Variants in MIR2052HG observed in about 807,000 individuals in gnomAD.
MIR2052HG encodes MIR2052 host gene.
rs546777911 is a variant in MIR2052HG at position 74,749,013 on chromosome 8, A to G, written n.372-3428A>G. 2.6e-4 allele frequency among the ~76,000 whole-genome samples: 40 copies of G among 152,244 alleles called. 1 individual carries two copies. Among genetic ancestry groups the G allele is most frequent in the African/African-American group, 8.9e-4 (37 of 41,562 alleles). On this transcript the variant is annotated intron_variant and non_coding_transcript_variant, in intron 4 of 6. Transcript: ENST00000523442. ...GGGAAGATAATTTTTAAAACTTTGC[A>G]TGCCTCTTGGATGCCATTTCAATGT...
intron 2 of MIR2052HG, among the ~76,000 whole-genome samples, chr8:74,675,772 T>C (rs1265804951): frequency 6.6e-6 from 1 of 151,930 alleles, no homozygotes; most frequent in Non-Finnish European, 1.5e-5. Flanking sequence ...GTAAAATAGA[T>C]AGGAAGACAT....
At chr8:74,676,741 TTAATAA>T (rs1399612333) in intron 2 of MIR2052HG, among the ~76,000 whole-genome samples, 1 of 151,878 alleles carries the variant, frequency 6.6e-6, no homozygotes, top group African/African-American at 2.4e-5. Context: ...GTGACTACCG[TTAATAA>T]TAATGCATTG....
chr8:74,619,598 G>A (rs1225054463), intron 2 of MIR2052HG, among the ~76,000 whole-genome samples: 3 of 152,156 alleles, frequency 2.0e-5, no homozygotes, highest in Non-Finnish European at 2.9e-5. Flanking sequence ...GTGGCAGGAT[G>A]GAGTAAGTGC....
chr8:74,662,858 TTGTGTGTGTGTG>T (rs68089808), intron 2 of MIR2052HG, among the ~76,000 whole-genome samples: 12 of 144,300 alleles, frequency 8.3e-5, no homozygotes, highest in African/African-American at 2.8e-4. Context: ...AATGACTCAT[TTGTGTGTGTGTG>T]TGTGTGTGTG....
intron 3 of MIR2052HG, chr8:74,702,494 T>A (rs1352865121): frequency 2.3e-6 from 1 of 431,510 alleles, no homozygotes; most frequent in East Asian, 7.3e-5. Flanking sequence ...TGTACCTCAA[T>A]GTCTGCACAC....
At chr8:74,678,563 CAAAAAAAAAA>C (rs763073114) in intron 2 of MIR2052HG, among the ~76,000 whole-genome samples, 1 of 53,522 alleles carries the variant, frequency 1.9e-5, no homozygotes, top group South Asian at 9.9e-4. Context: ...GAGTTTGTCT[CAAAAAAAAAA>C]AAAAAAAAAA....
chr8:74,734,460 A>T (rs1316128558), intron 4 of MIR2052HG, among the ~76,000 whole-genome samples: 2 of 152,214 alleles, frequency 1.3e-5, no homozygotes, highest in African/African-American at 2.4e-5. Flanking sequence ...AATGGTAATG[A>T]TTTCTGAGAT....
chr8:74,683,497 A>G (rs574077927), intron 2 of MIR2052HG, among the ~76,000 whole-genome samples: 1 of 152,154 alleles, frequency 6.6e-6, no homozygotes, highest in Non-Finnish European at 1.5e-5. Flanking sequence ...GCATATTCAG[A>G]TGACTAGGTT....
rs114395925 is a variant in MIR2052HG, at chr8:74,603,737, G to A, written n.128+3829G>A. 279 of 869,916 alleles carry A rather than the reference G, an allele frequency of 3.2e-4. No homozygotes were observed. The African/African-American group carries it at 3.8e-3, about 12-fold the overall frequency. 53.9% of individuals were successfully genotyped at this position (869,916 alleles called of 1,614,324 possible). On this transcript the variant is annotated intron_variant and non_coding_transcript_variant, in intron 1 of 6. Transcript: ENST00000523442. ...TACGGGATGGTCACGCCCTTCGGGG[G>A]GGACTCCAACATGACCACACAGATC...
intron 1 of MIR2052HG, chr8:74,600,055 C>T (rs1342419645): frequency 3.3e-5 from 5 of 153,216 alleles, no homozygotes; most frequent in Non-Finnish European, 5.8e-5. Flanking sequence ...TTGCGCTTCC[C>T]AAGTGAGGCA....
intron 2 of MIR2052HG, among the ~76,000 whole-genome samples, chr8:74,698,589 A>G (rs577488209): frequency 5.9e-5 from 9 of 152,354 alleles, no homozygotes; most frequent in Non-Finnish European, 8.8e-5. Flanking sequence ...ACTGGGAGAT[A>G]ATCTTCACAA....
chr8:74,636,542 A>C (rs913879755), intron 2 of MIR2052HG, among the ~76,000 whole-genome samples: 12 of 152,204 alleles, frequency 7.9e-5, no homozygotes, highest in Admixed American at 7.2e-4. Flanking sequence ...ATTTTTAAAA[A>C]GATCTTCAAA....
chr8:74,667,127 G>A (rs946123637), intron 2 of MIR2052HG, among the ~76,000 whole-genome samples: 7 of 152,198 alleles, frequency 4.6e-5, no homozygotes, highest in Non-Finnish European at 8.8e-5. Context: ...TTCCTGAAGT[G>A]CTGCTAGGTT....
chr8:74,701,520 G>A (rs1462756107), intron 2 of MIR2052HG, among the ~76,000 whole-genome samples: 1 of 152,000 alleles, frequency 6.6e-6, no homozygotes, highest in Non-Finnish European at 1.5e-5. Context: ...TCCATAGAGG[G>A]TGTTTAGTTG....
chr8:74,715,915 C>A (rs574543414), intron 4 of MIR2052HG, among the ~76,000 whole-genome samples: 1 of 152,302 alleles, frequency 6.6e-6, no homozygotes, highest in South Asian at 2.1e-4. Flanking sequence ...AAAATGTATG[C>A]AAAATTAATT....
At chr8:74,667,234 T>G (rs1034630546) in intron 2 of MIR2052HG, among the ~76,000 whole-genome samples, 5 of 152,138 alleles carry the variant, frequency 3.3e-5, no homozygotes, top group Non-Finnish European at 5.9e-5. Flanking sequence ...TGAGGCCATC[T>G]TTGGAGCCTG....
intron 1 of MIR2052HG, chr8:74,612,597 G>C (rs1586888678): frequency 3.5e-6 from 1 of 283,160 alleles, no homozygotes; most frequent in Non-Finnish European, 7.0e-6. Flanking sequence ...CAAAGCATGA[G>C]TTATCATTTG....
chr8:74,630,768 C>A (rs996072206), intron 2 of MIR2052HG, among the ~76,000 whole-genome samples: 4 of 152,132 alleles, frequency 2.6e-5, no homozygotes, highest in African/African-American at 9.7e-5. Context: ...CAATTCACAA[C>A]AAGAAGAGTG....
chr8:74,730,959 A>G (rs200972113), intron 4 of MIR2052HG, among the ~76,000 whole-genome samples: 326 of 152,286 alleles, frequency 2.1e-3, no homozygotes, highest in Admixed American at 4.6e-3. Flanking sequence ...AAATATGTGA[A>G]TGGGGAAATA....
Sources: gnomAD v4.1 joint callset for allele counts (sites outside exome capture counted in the v4.1 genomes callset) on GRCh38, gnomAD v4.1.1 for gene constraint, MANE v1.5 for transcripts, NCBI Gene and HGNC (gene_info 2026-07-23, HGNC 2026-07-21) for gene names.